Variants in PLPP4 observed in about 807,000 individuals in gnomAD.
PLPP4 encodes diacylglycerol pyrophosphate like 2.
PLPP4 carries 20 observed loss-of-function variants against 32.2 expected under a neutral mutation model. The ratio of observed to expected loss-of-function variants is 0.62; its 90% confidence interval spans 0.44 to 0.90. PLPP4 has a LOEUF of 0.90. Ranked by LOEUF, PLPP4 falls within the 40% of genes least tolerant of loss-of-function variation. PLPP4 has a pLI of 0.00. For missense variants in PLPP4, 257 were observed against 353.1 expected (o/e 0.73, Z 2.18); for synonymous variants, 127 against 133.0 (o/e 0.95, Z 0.31).
intron 1 of PLPP4, among the ~76,000 whole-genome samples, chr10:120,464,488 A>G (rs1016099993): frequency 5.9e-5 from 9 of 152,152 alleles, no homozygotes; most frequent in Admixed American, 6.5e-5. Context: ...GTGTATTTCT[A>G]ATGATTCCTT....
chr10:120,578,204 A>G (rs181830135), intron 6 of PLPP4, among the ~76,000 whole-genome samples: 1 of 152,354 alleles, frequency 6.6e-6, no homozygotes, highest in Non-Finnish European at 1.5e-5. Flanking sequence ...TGTTCATTCA[A>G]TACTCAATTA....
intron 5 of PLPP4, among the ~76,000 whole-genome samples, chr10:120,541,215 A>G (rs957619726): frequency 3.9e-5 from 6 of 152,226 alleles, no homozygotes; most frequent in South Asian, 2.1e-4. Context: ...ACCTGGTTCC[A>G]TGACTTAGTA....
At chr10:120,500,593 G>T (rs1052821496) in intron 1 of PLPP4, among the ~76,000 whole-genome samples, 1 of 146,376 alleles carries the variant, frequency 6.8e-6, no homozygotes, top group African/African-American at 2.5e-5. Context: ...CTTGTTCTGG[G>T]ATACCTGCTG....
intron 5 of PLPP4, among the ~76,000 whole-genome samples, chr10:120,525,250 C>A (rs1221254151): frequency 6.6e-6 from 1 of 152,164 alleles, no homozygotes; most frequent in Non-Finnish European, 1.5e-5. Context: ...AATTTACTAA[C>A]CTTGCAGTCG....
chr10:120,573,636 T>C (rs1424730710), intron 5 of PLPP4, among the ~76,000 whole-genome samples: 1 of 152,254 alleles, frequency 6.6e-6, no homozygotes, highest in African/African-American at 2.4e-5. Flanking sequence ...AGTTTTTCAA[T>C]ATTTATCAAT....
At chr10:120,524,562 C>T (rs907552536) in intron 5 of PLPP4, among the ~76,000 whole-genome samples, 1 of 152,156 alleles carries the variant, frequency 6.6e-6, no homozygotes, top group South Asian at 2.1e-4. Context: ...AACTTAAGAA[C>T]AAACATTGAT....
chr10:120,520,309 G>A (rs1846098034), intron 4 of PLPP4, among the ~76,000 whole-genome samples: 1 of 152,202 alleles, frequency 6.6e-6, no homozygotes, highest in Non-Finnish European at 1.5e-5. Flanking sequence ...GAGGCCAGGT[G>A]AGGCCTGCCA....
At chr10:120,464,144 G>T (rs1239692153) in intron 1 of PLPP4, among the ~76,000 whole-genome samples, 1 of 152,176 alleles carries the variant, frequency 6.6e-6, no homozygotes, top group East Asian at 1.9e-4. Context: ...TGAGTTTTGG[G>T]AGAAAGTATT....
intron 1 of PLPP4, among the ~76,000 whole-genome samples, chr10:120,458,393 C>G (rs116099060): frequency 6.6e-6 from 1 of 152,062 alleles, no homozygotes; most frequent in Non-Finnish European, 1.5e-5. Flanking sequence ...TTTTTGTTTT[C>G]GTTTCTGGAA....
intron 6 of PLPP4, 118 bp from the exon 7 acceptor site, chr10:120,589,185 G>C: frequency 1.1e-6 from 1 of 902,166 alleles, no homozygotes; most frequent in Admixed American, 2.1e-5. Flanking sequence ...TCTTTCAGGG[G>C]GTCCTGTAAG....
chr10:120,563,029 C>G (rs1407132895), intron 5 of PLPP4, among the ~76,000 whole-genome samples: 1 of 152,154 alleles, frequency 6.6e-6, no homozygotes, highest in East Asian at 1.9e-4. Context: ...CACCTGAGGT[C>G]AGGAGTTTGA....
Position 120,577,679 on chromosome 10 carries a change from T to C in PLPP4, c.616+2378T>C, listed in dbSNP as rs1015712397. 2.6e-5 allele frequency among the ~76,000 whole-genome samples: 4 copies of C among 152,350 alleles called. No individual in the cohort carries two copies. In the East Asian group the frequency reaches 5.8e-4, roughly 22 times the overall value. On this transcript the variant is annotated intron_variant, in intron 6 of 6. Coordinates refer to ENST00000398250, the MANE Select transcript of PLPP4 (RefSeq NM_001030059.3). ...TGGGAATCAAACAAAAACTGCGTCA[T>C]GGTAGACTTCTGCAGCCCAAACTGA...
chr10:120,534,538 C>T (rs141652351), intron 5 of PLPP4, among the ~76,000 whole-genome samples: 3 of 151,534 alleles, frequency 2.0e-5, no homozygotes, highest in Non-Finnish European at 4.4e-5. Context: ...TTTTTCTGCT[C>T]CCCCTCCTCT....
chr10:120,495,993 T>A (rs1332726823), intron 1 of PLPP4, among the ~76,000 whole-genome samples: 1 of 152,178 alleles, frequency 6.6e-6, no homozygotes, highest in Non-Finnish European at 1.5e-5. Flanking sequence ...AGTGACTTTT[T>A]TCAAGCTACC....
chr10:120,505,900 T>C (rs1412150340), intron 2 of PLPP4, among the ~76,000 whole-genome samples: 1 of 152,246 alleles, frequency 6.6e-6, no homozygotes, highest in East Asian at 1.9e-4. Context: ...CTATTTTTCA[T>C]AACATTTTAC....
At chr10:120,525,322 T>G (rs1409243081) in intron 5 of PLPP4, among the ~76,000 whole-genome samples, 1 of 152,192 alleles carries the variant, frequency 6.6e-6, no homozygotes, top group Non-Finnish European at 1.5e-5. Flanking sequence ...GCACTCAAAT[T>G]GTGCACATGA....
intron 1 of PLPP4, among the ~76,000 whole-genome samples, chr10:120,492,407 C>T (rs1319334722): frequency 6.6e-6 from 1 of 152,230 alleles, no homozygotes; most frequent in Non-Finnish European, 1.5e-5. Context: ...TGCCCCATAG[C>T]AGCCATGTTT....
At chr10:120,486,815 C>T (rs888514651) in intron 1 of PLPP4, among the ~76,000 whole-genome samples, 1 of 152,198 alleles carries the variant, frequency 6.6e-6, no homozygotes, top group Non-Finnish European at 1.5e-5. Flanking sequence ...GTGTGACGAG[C>T]TTGTTAGCCT....
intron 5 of PLPP4, among the ~76,000 whole-genome samples, chr10:120,538,048 C>CTGTGTG (rs1564825171): frequency 1.1e-3 from 24 of 21,874 alleles, no homozygotes; most frequent in South Asian, 3.0e-3. Context: ...CTCTCTCTCT[C>CTGTGTG]TCTCTGTGTG....
Sources: allele counts gnomAD v4.1 joint callset (sites outside exome capture counted in the v4.1 genomes callset), GRCh38; gene constraint gnomAD v4.1.1; transcripts MANE v1.5; gene names NCBI Gene and HGNC (gene_info 2026-07-23, HGNC 2026-07-21).